The following CYFIP1 variants were observed in gnomAD, a reference collection of about 807,000 sequenced individuals.
CYFIP1 encodes cytoplasmic FMR1 interacting protein 1.
CYFIP1 carries 58 observed loss-of-function variants against 163.5 expected under a neutral mutation model. That is an observed-to-expected ratio of 0.35 (90% CI 0.29 to 0.44). The LOEUF is 0.44. CYFIP1 is among the 20% of genes least tolerant of loss of function. The pLI is 1.00. For synonymous variants in CYFIP1, 663 were observed against 660.7 expected (o/e 1.00, Z -0.05); for missense variants, 1,338 against 1,653.8 (o/e 0.81, Z 3.31).
intron 1 of CYFIP1, among the ~76,000 whole-genome samples, chr15:22,949,095 G>T (rs1363917717): frequency 6.6e-6 from 1 of 152,138 alleles, no homozygotes; most frequent in African/African-American, 2.4e-5. Flanking sequence ...AGACAAACAA[G>T]AAATCCACAC....
intron 1 of CYFIP1, 45 bp from the exon 2 acceptor site, chr15:22,947,336 G>A: frequency 1.3e-6 from 2 of 1,593,308 alleles, no homozygotes; most frequent in Non-Finnish European, 1.7e-6. Flanking sequence ...GAGAAGGAGG[G>A]GACACCCAAC....
chr15:22,933,754 G>A (rs758977161), intron 10 of CYFIP1, 48 bp downstream of exon 10: 3 of 1,374,886 alleles, frequency 2.2e-6, no homozygotes, highest in Non-Finnish European at 3.1e-6. Context: ...ACCGCACAAT[G>A]AGGACACTGC....
intron 29 of CYFIP1, 28 bp downstream of exon 29, chr15:22,873,463 C>G: frequency 6.3e-7 from 1 of 1,585,924 alleles, no homozygotes; most frequent in Admixed American, 1.7e-5. Context: ...TCCTCTGGGG[C>G]TTTGTCCTGC....
At chr15:22,896,325 G>A (rs1040580439) in intron 22 of CYFIP1, among the ~76,000 whole-genome samples, 1 of 151,872 alleles carries the variant, frequency 6.6e-6, no homozygotes, top group African/African-American at 2.4e-5. Context: ...CCTTTGTGTC[G>A]ATCCTGCTTG....
In CYFIP1 at chr15:22,881,418, G is replaced by C. The variant is rs370729187; in HGVS notation, c.2911+428C>G. ...AACCCACAGCAAGTCACGTGGGCCT[G>C]TCCCTAAGAGCACACCTGCCTGAGG... On this transcript the variant is annotated intron_variant, in intron 25 of 30. Coordinates refer to ENST00000617928, the MANE Select transcript of CYFIP1 (RefSeq NM_014608.6). Among the ~76,000 whole-genome samples the C allele has an allele frequency of 9.2e-5, 14 of 152,214 alleles. No individual in the cohort carries two copies. In the East Asian group the frequency reaches 1.2e-3, roughly 13 times the overall value.
chr15:22,936,863 G>A (rs1436405601), intron 9 of CYFIP1, among the ~76,000 whole-genome samples: 1 of 152,168 alleles, frequency 6.6e-6, no homozygotes, highest in African/African-American at 2.4e-5. Flanking sequence ...GCAGCTGGAC[G>A]CAGAAGAGTA....
chr15:22,875,066 A>G (rs920932720), intron 27 of CYFIP1, 133 bp downstream of exon 27: 2 of 764,774 alleles, frequency 2.6e-6, no homozygotes, highest in Admixed American at 2.0e-5. Context: ...TACACTCCTC[A>G]TTACCCCTGG....
intron 21 of CYFIP1, among the ~76,000 whole-genome samples, chr15:22,907,279 T>C (rs543868848): frequency 3.9e-4 from 59 of 152,306 alleles, no homozygotes; most frequent in Non-Finnish European, 8.1e-4. Flanking sequence ...TTGACTCCAA[T>C]GGTGCCAGGT....
At chr15:22,907,416 C>T (rs955376201) in intron 21 of CYFIP1, among the ~76,000 whole-genome samples, 4 of 152,128 alleles carry the variant, frequency 2.6e-5, no homozygotes, top group Non-Finnish European at 5.9e-5. Flanking sequence ...GATCGGCCTT[C>T]GGAAGTCTCA....
chr15:22,963,689 G>A (rs546171938), intron 1 of CYFIP1, among the ~76,000 whole-genome samples: 52 of 152,224 alleles, frequency 3.4e-4, no homozygotes, highest in Non-Finnish European at 5.4e-4. Context: ...CTATGGCCCC[G>A]GGCAGGCTGG....
chr15:22,926,473 A>T lies in CYFIP1; in HGVS notation c.1234-366T>A, dbSNP rs149798563. Among the ~76,000 whole-genome samples, 1,002 of 152,276 alleles carry T rather than the reference A, an allele frequency of 6.6e-3. 9 individuals carry two copies. Among genetic ancestry groups the T allele is most frequent in the African/African-American group, 0.023 (936 of 41,552 alleles). On this transcript the variant is annotated intron_variant, in intron 12 of 30. Transcript: ENST00000617928. ...GATCACTTGAGCCCAAGAGTTCAAG[A>T]TCAGCCTGAGCAATATAGTGAGGCC...
rs1313538100 is a variant in CYFIP1 at position 22,925,980 on chromosome 15, A to G, written c.1359+2T>C. 1.9e-6 allele frequency: 3 copies of G among 1,613,082 alleles called. No individual in the cohort carries two copies. Among genetic ancestry groups the G allele is most frequent in the Non-Finnish European group, 2.5e-6 (3 of 1,179,254 alleles). On this transcript the variant is annotated splice_donor_variant, in intron 13 of 30. Coordinates refer to ENST00000617928, the MANE Select transcript of CYFIP1 (RefSeq NM_014608.6). LOFTEE classifies it high-confidence loss of function. ...GAAGAGCGAGCGGCCGAGCATCCTC[A>G]CCTCCACTAGGGCAAACTTCTCCTC...
intron 11 of CYFIP1, 74 bp from the exon 12 acceptor site, chr15:22,928,102 G>A (rs2061415626): frequency 7.1e-7 from 1 of 1,408,730 alleles, no homozygotes; most frequent in Non-Finnish European, 9.2e-7. Context: ...GATCCACCAT[G>A]AGAATCCACC....
intron 13 of CYFIP1, among the ~76,000 whole-genome samples, chr15:22,925,752 G>A (rs1175277666): frequency 6.6e-6 from 1 of 152,076 alleles, no homozygotes; most frequent in Non-Finnish European, 1.5e-5. Flanking sequence ...CCATCCAGAC[G>A]CAGGTCCAGG....
Position 22,868,834 on chromosome 15 carries a change from T to C in CYFIP1, c.*1194A>G, listed in dbSNP as rs922688135. The C allele has an allele frequency of 4.6e-5, 7 of 152,196 alleles. No individual in the cohort carries two copies. Among genetic ancestry groups the C allele is most frequent in the Non-Finnish European group, 1.0e-4 (7 of 68,032 alleles). 9.4% of individuals were successfully genotyped at this position (152,196 alleles called of 1,614,324 possible). ...AATACTCCAAATAATGTAAAATGAC[T>C]GCCAGGCTACAATATAAAGTGAGTT... On this transcript the variant is annotated 3_prime_UTR_variant, in exon 31 of 31. Coordinates refer to ENST00000617928, the MANE Select transcript of CYFIP1 (RefSeq NM_014608.6).
At chr15:22,934,307 C>T (rs1295144131) in intron 9 of CYFIP1, among the ~76,000 whole-genome samples, 1 of 147,656 alleles carries the variant, frequency 6.8e-6, no homozygotes, top group East Asian at 2.0e-4. Context: ...CTGCCTCAGG[C>T]TCCCGAGTAG....
chr15:22,922,194 G>A (rs933123660), intron 13 of CYFIP1, among the ~76,000 whole-genome samples: 15 of 152,076 alleles, frequency 9.9e-5, no homozygotes, highest in South Asian at 2.1e-4. Context: ...CTGGGGCCCC[G>A]GGCCTACTGC....
intron 1 of CYFIP1, among the ~76,000 whole-genome samples, chr15:22,953,489 A>G (rs1300961406): frequency 6.6e-6 from 1 of 152,058 alleles, no homozygotes; most frequent in Non-Finnish European, 1.5e-5. Context: ...GCCACGTCCC[A>G]CAGGGATTTT....
At chr15:22,972,806 G>A (rs1235425879) in intron 1 of CYFIP1, among the ~76,000 whole-genome samples, 1 of 152,126 alleles carries the variant, frequency 6.6e-6, no homozygotes, top group Non-Finnish European at 1.5e-5. Flanking sequence ...AGGAGTTTGA[G>A]ACCAGTCTGA....
Sources: gnomAD v4.1 joint callset for allele counts (sites outside exome capture counted in the v4.1 genomes callset) on GRCh38, gnomAD v4.1.1 for gene constraint, MANE v1.5 for transcripts, NCBI Gene and HGNC (gene_info 2026-07-23, HGNC 2026-07-21) for gene names.